Variants in TMPRSS11F observed in about 807,000 individuals in gnomAD.
TMPRSS11F encodes the protein transmembrane protease serine 11F.
TMPRSS11F carries 47 observed loss-of-function variants against 60.2 expected under a neutral mutation model. The ratio of observed to expected loss-of-function variants is 0.78; its 90% confidence interval spans 0.62 to 1.00. The LOEUF (loss-of-function observed/expected upper bound fraction) is 1.00. TMPRSS11F is among the 50% of genes least tolerant of loss of function. The pLI is 0.00. For synonymous variants in TMPRSS11F, 166 were observed against 167.3 expected (o/e 0.99, Z 0.06); for missense variants, 519 against 522.9 (o/e 0.99, Z 0.07).
chr4:68,101,940 C>T (rs1668665779), intron 1 of TMPRSS11F, among the ~76,000 whole-genome samples: 1 of 152,086 alleles, frequency 6.6e-6, no homozygotes, highest in South Asian at 2.1e-4. Context: ...TCCAGACTTT[C>T]CATCCTACAT....
chr4:68,100,112 A>T (rs1448393170), intron 1 of TMPRSS11F, among the ~76,000 whole-genome samples: 1 of 151,884 alleles, frequency 6.6e-6, no homozygotes, highest in Non-Finnish European at 1.5e-5. Flanking sequence ...GTGAAACAGG[A>T]TTCATTACTA....
At chr4:68,117,399 C>T (rs1301676536) in intron 1 of TMPRSS11F, among the ~76,000 whole-genome samples, 2 of 132,896 alleles carry the variant, frequency 1.5e-5, no homozygotes, top group East Asian at 4.7e-4. Context: ...CCCTGGGTGG[C>T]AGAGCCTGCA....
intron 2 of TMPRSS11F, 72 bp downstream of exon 2, chr4:68,098,815 T>C: frequency 7.2e-7 from 1 of 1,392,460 alleles, no homozygotes. Context: ...TGTCACTTTT[T>C]ATACAACAGA....
chr4:68,072,261 A>ATATATATATATATATATATATATATATAT (rs1553885929), intron 5 of TMPRSS11F, 62 bp downstream of exon 5: 1 of 588,710 alleles, frequency 1.7e-6, no homozygotes, highest in African/African-American at 2.0e-5. Flanking sequence ...TGCTTACAAA[A>ATATATATATATATATATATATATATATAT]ATTAAAGAGG....
In TMPRSS11F at chr4:68,059,437, T is replaced by C. The variant is rs149646570; in HGVS notation, c.1047A>G (p.Arg349=). ...GPIQNTLRQA[R]VETISTDVCN... Reference sequence around the variant, plus strand: ...ACACATCAGTGCTTATGGTTTCCACTCTGGCTTGCCGAAGTGTATTTTGTA... The same window carrying C: ...ACACATCAGTGCTTATGGTTTCCACCCTGGCTTGCCGAAGTGTATTTTGTA... The change falls in exon 9 of 10, where the codon AGA becomes AGG. Residue 349 remains arginine, a synonymous_variant. Transcript: ENST00000356291. The C allele has an allele frequency of 1.9e-3, 3,054 of 1,613,938 alleles. 5 individuals are homozygous for C. The highest frequency in any genetic ancestry group is 2.1e-3 in the Non-Finnish European group (2,504 of 1,179,966).
chr4:68,118,101 A>G (rs982895197), intron 1 of TMPRSS11F, among the ~76,000 whole-genome samples: 5 of 152,242 alleles, frequency 3.3e-5, no homozygotes, highest in African/African-American at 1.2e-4. Flanking sequence ...CAAAGTAGAA[A>G]GACAGAAATA....
intron 2 of TMPRSS11F, among the ~76,000 whole-genome samples, chr4:68,093,617 C>A (rs1207894970): frequency 1.3e-5 from 2 of 151,702 alleles, no homozygotes; most frequent in Non-Finnish European, 2.9e-5. Context: ...AGGCAACCTA[C>A]AAAATGGGAG....
At chr4:68,102,647 C>A (rs1299342750) in intron 1 of TMPRSS11F, among the ~76,000 whole-genome samples, 1 of 152,032 alleles carries the variant, frequency 6.6e-6, no homozygotes, top group Non-Finnish European at 1.5e-5. Flanking sequence ...AGGTCTTTTG[C>A]ACATTTTTTA....
chr4:68,063,383 T>C, intron 8 of TMPRSS11F: 2 of 386,210 alleles, frequency 5.2e-6, no homozygotes, highest in Non-Finnish European at 1.0e-5. Context: ...CTGTTTTTGT[T>C]TTTGTTTGTT....
At chr4:68,099,538 T>G (rs770760149) in intron 1 of TMPRSS11F, among the ~76,000 whole-genome samples, 4 of 152,190 alleles carry the variant, frequency 2.6e-5, no homozygotes, top group Admixed American at 1.3e-4. Flanking sequence ...TTGACTCACA[T>G]GACCCCACTG....
intron 5 of TMPRSS11F, among the ~76,000 whole-genome samples, chr4:68,070,305 C>A (rs1723429063): frequency 1.5e-5 from 2 of 135,458 alleles, no homozygotes; most frequent in Non-Finnish European, 3.5e-5. Context: ...AGATAAATGT[C>A]CCTGACTGCT....
intron 1 of TMPRSS11F, among the ~76,000 whole-genome samples, 170 bp from the exon 2 acceptor site, chr4:68,099,208 C>T (rs192952490): frequency 1.8e-4 from 27 of 152,246 alleles, no homozygotes; most frequent in African/African-American, 6.5e-4. Context: ...CCCGCAAAAA[C>T]CCAATCACAG....
At chr4:68,119,865 T>C (rs1724589879) in intron 1 of TMPRSS11F, among the ~76,000 whole-genome samples, 1 of 152,190 alleles carries the variant, frequency 6.6e-6, no homozygotes, top group Non-Finnish European at 1.5e-5. Context: ...GATAAGGCTA[T>C]ACCTCTCATA....
At chr4:68,078,877 G>A (rs1723638631) in intron 3 of TMPRSS11F, among the ~76,000 whole-genome samples, 1 of 151,874 alleles carries the variant, frequency 6.6e-6, no homozygotes, top group Non-Finnish European at 1.5e-5. Context: ...GGTGATTTTT[G>A]TATCTCTAGC....
At chr4:68,110,907 G>T (rs544381809) in intron 1 of TMPRSS11F, among the ~76,000 whole-genome samples, 2 of 151,968 alleles carry the variant, frequency 1.3e-5, no homozygotes, top group Admixed American at 6.6e-5. Context: ...AAATAAAATG[G>T]CTATAGCAGG....
In TMPRSS11F at chr4:68,072,348, T is replaced by C. The variant is rs1251590552; in HGVS notation, c.489A>G (p.Ile163Met). 6.3e-7 allele frequency: 1 copy of C among 1,595,178 alleles called. No individual in the cohort carries two copies. Among genetic ancestry groups the C allele is most frequent in the Non-Finnish European group, 8.5e-7 (1 of 1,170,070 alleles). ...GTGTGAGTCTAAATGATGGTTTGTT[T>C]ATGGTCAAAGACAATTGTTTGGTCT... Reference protein sequence around the residue: ...SLKTKQLSLTINKPSFRLTPI... With the variant: ...SLKTKQLSLTMNKPSFRLTPI... Residue 163 changes from isoleucine (I) to methionine (M), a missense_variant, in exon 5 of 10, where the codon ATA (isoleucine) becomes ATG (methionine). By Grantham distance (10) the Ile-to-Met change is conservative. Transcript: ENST00000356291.
At chr4:68,089,605 C>T (rs1053938747) in intron 3 of TMPRSS11F, among the ~76,000 whole-genome samples, 5 of 151,952 alleles carry the variant, frequency 3.3e-5, no homozygotes, top group South Asian at 2.1e-4. Flanking sequence ...AAAACAAAAA[C>T]GCTATTTGAA....
intron 3 of TMPRSS11F, chr4:68,080,968 GT>G (rs1359664051): frequency 2.0e-5 from 3 of 152,186 alleles, no homozygotes; most frequent in Non-Finnish European, 4.4e-5. Context: ...AAGAAAAAGT[GT>G]TTTTAAATGT....
intron 2 of TMPRSS11F, among the ~76,000 whole-genome samples, chr4:68,091,754 T>C (rs891945121): frequency 2.5e-3 from 63 of 25,360 alleles, no homozygotes; most frequent in African/African-American, 3.5e-3. Flanking sequence ...CTAATCTCTC[T>C]CTCTCTCTCT....
Sources: gnomAD v4.1 joint callset for allele counts (sites outside exome capture counted in the v4.1 genomes callset) on GRCh38, gnomAD v4.1.1 for gene constraint, MANE v1.5 for transcripts, NCBI Gene and HGNC (gene_info 2026-07-23, HGNC 2026-07-21) for gene names.